CSMD3: variants seen among roughly 807,000 people sequenced by gnomAD.
The protein encoded by CSMD3 is CUB and sushi domain-containing protein 3.
In CSMD3, 177 loss-of-function variants were observed where a neutral mutation model predicts 435.2. That is an observed-to-expected ratio of 0.41 (90% CI 0.36 to 0.46). The LOEUF (loss-of-function observed/expected upper bound fraction) is 0.46. CSMD3 is among the 20% of genes least tolerant of loss of function. The pLI is 0.34. For missense variants in CSMD3, 4,265 were observed against 4,504.6 expected, an observed-to-expected ratio of 0.95 and a Z score of 1.52; for synonymous variants, 1,656 against 1,520.5, an observed-to-expected ratio of 1.09 and a Z score of -2.07.
intron 22 of CSMD3, among the ~76,000 whole-genome samples, chr8:112,598,980 C>T (rs1832041372): frequency 6.6e-6 from 1 of 150,578 alleles, no homozygotes; most frequent in East Asian, 2.0e-4. Flanking sequence ...ATGTCCAAAA[C>T]ACCAAAAGCA....
intron 3 of CSMD3, among the ~76,000 whole-genome samples, chr8:113,249,369 A>G (rs935092551): frequency 6.6e-6 from 1 of 152,120 alleles, no homozygotes; most frequent in African/African-American, 2.4e-5. Context: ...TTCGGCATGG[A>G]AACATTTGAG....
intron 3 of CSMD3, among the ~76,000 whole-genome samples, chr8:113,235,378 A>C (rs2093136491): frequency 6.6e-6 from 1 of 152,068 alleles, no homozygotes; most frequent in Admixed American, 6.6e-5. Flanking sequence ...CAATAGCCAT[A>C]ACTTCATCTT....
chr8:112,819,089 C>G (rs1405728362), intron 12 of CSMD3, among the ~76,000 whole-genome samples: 2 of 152,144 alleles, frequency 1.3e-5, no homozygotes, highest in African/African-American at 4.8e-5. Context: ...GGCCTTTTTT[C>G]CAGGTCCATA....
At chr8:113,328,098 GACACACAC>G (rs149822754) in intron 1 of CSMD3, among the ~76,000 whole-genome samples, 2 of 148,674 alleles carry the variant, frequency 1.3e-5, no homozygotes, top group African/African-American at 4.9e-5. Flanking sequence ...GACACACACA[GACACACAC>G]ACACACACAC....
chr8:113,265,200 A>C (rs2093459342), intron 3 of CSMD3, among the ~76,000 whole-genome samples: 1 of 151,598 alleles, frequency 6.6e-6, no homozygotes, highest in Admixed American at 6.6e-5. Context: ...GCATTCAAAA[A>C]TCTATGATTT....
At chr8:113,388,238 C>T (rs897334985) in intron 1 of CSMD3, among the ~76,000 whole-genome samples, 7 of 151,314 alleles carry the variant, frequency 4.6e-5, no homozygotes, top group Non-Finnish European at 8.9e-5. Context: ...AAGAGACAAA[C>T]ATAATAGTTC....
chr8:112,410,606 A>ATATATATACGTATATATATATGTG (rs1832269881), intron 32 of CSMD3, among the ~76,000 whole-genome samples: 1 of 53,086 alleles, frequency 1.9e-5, no homozygotes, highest in Non-Finnish European at 3.7e-5. Context: ...ATATATGTGT[A>ATATATATACGTATATATATATGTG]TATATATATG....
intron 13 of CSMD3, among the ~76,000 whole-genome samples, chr8:112,724,124 G>C (rs964547534): frequency 2.6e-5 from 4 of 152,034 alleles, no homozygotes; most frequent in Non-Finnish European, 5.9e-5. Context: ...ACTGTGGAGA[G>C]GTGAATAGGT....
intron 5 of CSMD3, among the ~76,000 whole-genome samples, chr8:113,048,819 A>G (rs1468172202): frequency 2.0e-5 from 3 of 152,098 alleles, no homozygotes; most frequent in Non-Finnish European, 2.9e-5. Flanking sequence ...AACTAAATTT[A>G]TGTGAATAAG....
At position 112,526,736 on chromosome 8, in the gene CSMD3, AT is replaced by A. The variant is rs560869835; in HGVS notation, c.4565-9512del. On this transcript the variant is annotated intron_variant, in intron 27 of 70. Transcript: ENST00000297405. ...GCTCACTTTAAATATTTAAAAGATA[AT>A]TTTTTTGCTTAAAGTTTTTTTAAAA... Among the ~76,000 whole-genome samples, 419 of 152,046 alleles carry A rather than the reference AT, an allele frequency of 2.8e-3. 2 individuals are homozygous for A. Among genetic ancestry groups the A allele is most frequent in the African/African-American group, 9.6e-3 (398 of 41,548 alleles).
rs2130931233 is a variant in CSMD3, at chr8:112,975,828, A to T, written c.1342+9T>A. ...ACTAAATGGGCACAAGTAAAATAAC[A>T]TCCAATACCTCTATGAGTAACAACT... On this transcript the variant is annotated intron_variant, in intron 7 of 70. Coordinates refer to ENST00000297405, the MANE Select transcript of CSMD3 (RefSeq NM_198123.2). 1.2e-6 allele frequency: 2 copies of T among 1,612,670 alleles called. No individual in the cohort carries two copies. Among genetic ancestry groups the T allele is most frequent in the Non-Finnish European group, 1.7e-6 (2 of 1,179,762 alleles).
At chr8:112,754,357 G>A (rs1587185767) in intron 13 of CSMD3, among the ~76,000 whole-genome samples, 1 of 152,256 alleles carries the variant, frequency 6.6e-6, no homozygotes, top group African/African-American at 2.4e-5. Flanking sequence ...CCTAAAAGAT[G>A]AGGAGAGGCT....
intron 40 of CSMD3, 91 bp from the exon 41 acceptor site, chr8:112,346,304 G>A: frequency 3.6e-6 from 3 of 833,188 alleles, no homozygotes; most frequent in Non-Finnish European, 6.3e-6. Flanking sequence ...CGTTTTCAAG[G>A]CTCTGAGTTA....
intron 3 of CSMD3, among the ~76,000 whole-genome samples, chr8:113,186,053 C>G (rs2131956262): frequency 6.6e-6 from 1 of 152,166 alleles, no homozygotes; most frequent in Admixed American, 6.5e-5. Flanking sequence ...AGATTCAGCA[C>G]TCCTGTATCC....
chr8:112,487,504 T>A (rs145273671), intron 31 of CSMD3, among the ~76,000 whole-genome samples: 4 of 152,324 alleles, frequency 2.6e-5, no homozygotes, highest in Non-Finnish European at 5.9e-5. Flanking sequence ...TATGAGCAGA[T>A]GAAGTAGAAC....
rs150063465 is a variant in CSMD3, at chr8:112,382,261, G to T, written c.6031+1306C>A. ...ATTGCACCACTGCACCAAAGTCTGG[G>T]CAATAGAGCCAGACCCTGTCTCTAA... On this transcript the variant is annotated intron_variant, in intron 37 of 70. Coordinates refer to ENST00000297405, the MANE Select transcript of CSMD3 (RefSeq NM_198123.2). Among the ~76,000 whole-genome samples, 201 of 138,104 alleles carry T rather than the reference G, an allele frequency of 1.5e-3. 5 individuals are homozygous for T. In the East Asian group the frequency reaches 0.043, roughly 30 times the overall value. 90.6% of individuals were successfully genotyped at this position (138,104 alleles called of 152,430 possible).
chr8:112,943,096 T>C (rs925511930), intron 9 of CSMD3, among the ~76,000 whole-genome samples: 8 of 151,730 alleles, frequency 5.3e-5, no homozygotes, highest in African/African-American at 1.9e-4. Flanking sequence ...TGAGCTTTAT[T>C]TATATGTCTA....
intron 13 of CSMD3, among the ~76,000 whole-genome samples, chr8:112,697,265 G>A (rs1287604335): frequency 6.6e-6 from 1 of 152,138 alleles, no homozygotes; most frequent in African/African-American, 2.4e-5. Flanking sequence ...CTGCTATAAA[G>A]ACACATGCAT....
intron 6 of CSMD3, among the ~76,000 whole-genome samples, chr8:112,980,677 A>G (rs2085018419): frequency 6.6e-6 from 1 of 151,534 alleles, no homozygotes; most frequent in Admixed American, 6.6e-5. Context: ...AAAACACACC[A>G]ATAAATGAGG....
Sources: allele counts gnomAD v4.1 joint callset (sites outside exome capture counted in the v4.1 genomes callset), GRCh38; gene constraint gnomAD v4.1.1; transcripts MANE v1.5; gene names NCBI Gene and HGNC (gene_info 2026-07-23, HGNC 2026-07-21).